Variants in WDTC1 observed in about 807,000 individuals in gnomAD.
WDTC1 encodes the protein WD and tetratricopeptide repeats 1, also known as WD and tetratricopeptide repeats protein 1.
WDTC1 carries 12 observed loss-of-function variants against 76.0 expected under a neutral mutation model. That is an observed-to-expected ratio of 0.16 (90% CI 0.10 to 0.26). The LOEUF is 0.26. WDTC1 is among the 10% of genes least tolerant of loss of function. The probability of loss-of-function intolerance (pLI) is 1.00; values close to 1 mark genes in which losing one functional copy is unlikely to be tolerated. For synonymous variants in WDTC1, 326 were observed against 350.8 expected (o/e 0.93, Z 0.79); for missense variants, 511 against 908.8 (o/e 0.56, Z 5.63).
Position 27,297,137 on chromosome 1 carries a change from G to T in WDTC1, c.1039G>T (p.Glu347Ter). Reference protein sequence around the residue: ...HLHSNGFRLPESRGHVSPQVE... With the variant: ...HLHSNGFRLP ...TCATAGCAATGGCTTCCGGCTGCCG[G>T]AGAGTAGGGGACATGTCAGGTGAGG... is the stretch of plus-strand genomic sequence containing the variant. The change falls in exon 11 of 16, where the codon GAG becomes TAG. Residue 347 changes from glutamate to a stop codon, truncating the protein, a stop_gained. Transcript: ENST00000319394. LOFTEE classifies it high-confidence loss of function. The T allele has an allele frequency of 6.2e-7, 1 of 1,609,984 alleles. No individual in the cohort carries two copies.
At chr1:27,256,620 T>G (rs897692318) in intron 1 of WDTC1, among the ~76,000 whole-genome samples, 2 of 152,246 alleles carry the variant, frequency 1.3e-5, no homozygotes, top group African/African-American at 4.8e-5. Context: ...CACTTTCCAC[T>G]ACTGGATATT....
chr1:27,235,650 C>T (rs970874341), intron 1 of WDTC1, among the ~76,000 whole-genome samples: 1 of 152,016 alleles, frequency 6.6e-6, no homozygotes, highest in Admixed American at 6.6e-5. Flanking sequence ...CGCAGTGGGA[C>T]GCCCCTTTGC....
intron 1 of WDTC1, among the ~76,000 whole-genome samples, chr1:27,235,887 G>C (rs1187664805): frequency 6.6e-6 from 1 of 152,130 alleles, no homozygotes; most frequent in African/African-American, 2.4e-5. Context: ...GAGCCTGGTA[G>C]GGTGGCTGAA....
In WDTC1 at chr1:27,303,372, T is replaced by C. The variant is rs1458689356; in HGVS notation, c.1469-249T>C. On this transcript the variant is annotated intron_variant, in intron 13 of 15. Coordinates refer to ENST00000319394, the MANE Select transcript of WDTC1 (RefSeq NM_001276252.2). The surrounding 1 kb of genome is among the most constrained non-coding windows in gnomAD (Gnocchi z 4.8). ...TTTGAGTCTCTGCATCTTTGGGGCTTTCAGGCCCTCATTTAGGGACCTGAA... is the reference window on the plus strand; with the variant it reads ...TTTGAGTCTCTGCATCTTTGGGGCTCTCAGGCCCTCATTTAGGGACCTGAA... 6.6e-6 allele frequency among the ~76,000 whole-genome samples: 1 copy of C among 152,182 alleles called. No homozygotes were observed. The highest frequency in any genetic ancestry group is 1.9e-4 in the East Asian group (1 of 5,204).
intron 1 of WDTC1, among the ~76,000 whole-genome samples, chr1:27,256,980 A>G (rs1385827297): frequency 1.3e-5 from 2 of 152,066 alleles, no homozygotes; most frequent in African/African-American, 4.8e-5. Flanking sequence ...CTCCTGCCTC[A>G]GCCTCCCGAG....
intron 13 of WDTC1, among the ~76,000 whole-genome samples, chr1:27,302,593 T>G (rs1342989871): frequency 6.6e-6 from 1 of 151,772 alleles, no homozygotes; most frequent in South Asian, 2.1e-4. Flanking sequence ...TAAAAAAAAT[T>G]AGCCAGGGGT....
At position 27,297,088 on chromosome 1, in the gene WDTC1, C is replaced by T. The variant is rs377001532; in HGVS notation, c.990C>T (p.Asn330=). The part of the protein sequence containing the change: ...NGKMSTNGVS[N]GVSNGLHLHS... The stretch of plus-strand genomic sequence containing the variant: ...AGATGTCCACCAACGGTGTGTCCAA[C>T]GGTGTGTCCAATGGCCTGCACCTTC... The change falls in exon 11 of 16, where the codon AAC becomes AAT. Residue 330 remains asparagine, a synonymous_variant. Coordinates refer to ENST00000319394, the MANE Select transcript of WDTC1 (RefSeq NM_001276252.2). The T allele has an allele frequency of 1.3e-5, 21 of 1,614,008 alleles. No homozygotes were observed. In the Middle Eastern group the frequency reaches 4.9e-4, roughly 38 times the overall value.
chr1:27,289,716 A>G (rs1479680832), intron 6 of WDTC1, among the ~76,000 whole-genome samples: 1 of 151,952 alleles, frequency 6.6e-6, no homozygotes, highest in Non-Finnish European at 1.5e-5. Context: ...AGTGAACGAG[A>G]CTCCGTCTGC....
chr1:27,253,299 G>A (rs2012145115), intron 1 of WDTC1, among the ~76,000 whole-genome samples: 1 of 151,022 alleles, frequency 6.6e-6, no homozygotes, highest in Non-Finnish European at 1.5e-5. Flanking sequence ...ACAGGTGTGA[G>A]CCACTGCGCC....
intron 3 of WDTC1, among the ~76,000 whole-genome samples, chr1:27,273,358 G>A (rs1347810506): frequency 1.3e-5 from 2 of 151,768 alleles, no homozygotes; most frequent in Non-Finnish European, 2.9e-5. Flanking sequence ...ACAGGCGCCC[G>A]CCACCACGCC....
chr1:27,246,573 T>A (rs535979332), intron 1 of WDTC1, among the ~76,000 whole-genome samples: 49 of 152,244 alleles, frequency 3.2e-4, no homozygotes, highest in Non-Finnish European at 5.3e-4. Context: ...CTTTCCTTTT[T>A]TTTTTTTAGA....
At chr1:27,289,434 G>A (rs1170861562) in intron 6 of WDTC1, among the ~76,000 whole-genome samples, 18 of 147,908 alleles carry the variant, frequency 1.2e-4, no homozygotes, top group Admixed American at 2.7e-4. Flanking sequence ...ATGGGCGGCC[G>A]GGCAGAGACG....
Position 27,237,745 on chromosome 1 carries a change from G to A in WDTC1, c.-100+2794G>A, listed in dbSNP as rs773362993. Among the ~76,000 whole-genome samples the A allele has an allele frequency of 3.0e-4, 46 of 151,976 alleles. 1 individual carries two copies. The highest frequency in any genetic ancestry group is 2.6e-4 in the Non-Finnish European group (18 of 67,940). On this transcript the variant is annotated intron_variant, in intron 1 of 15. Transcript: ENST00000319394. ...ACGCGCCTGTAGTCCCAGCTACTCAGGAGGGATTTTCCTACTAAGGCAGGA... is the reference window on the plus strand; with the variant it reads ...ACGCGCCTGTAGTCCCAGCTACTCAAGAGGGATTTTCCTACTAAGGCAGGA...
intron 1 of WDTC1, among the ~76,000 whole-genome samples, chr1:27,248,668 TA>T (rs944877155): frequency 3.3e-5 from 5 of 152,156 alleles, no homozygotes; most frequent in African/African-American, 1.2e-4. Context: ...TTTTTATTAT[TA>T]TTTTTTTTTA....
rs189502766 is a variant in WDTC1 at position 27,291,112 on chromosome 1, A to C, written c.480-1103A>C. On this transcript the variant is annotated intron_variant, in intron 6 of 15. Coordinates refer to ENST00000319394, the MANE Select transcript of WDTC1 (RefSeq NM_001276252.2). ...GAGAAGGTGTCCTAGCAGAAGGTGA[A>C]CATAAGCTGGGCCTTCCAGAACAGA... Among the ~76,000 whole-genome samples the C allele has an allele frequency of 1.1e-3, 160 of 152,378 alleles. 3 individuals carry two copies. Among genetic ancestry groups the C allele is most frequent in the Admixed American group, 8.2e-3 (126 of 15,302 alleles).
intron 4 of WDTC1, 114 bp downstream of exon 4, chr1:27,282,399 ACTG>A (rs2013213556): frequency 1.0e-6 from 1 of 992,116 alleles, no homozygotes; most frequent in African/African-American, 1.6e-5. Context: ...ATGAAAAGAG[ACTG>A]CTGCTGTCTG....
At chr1:27,273,568 G>C (rs1449333803) in intron 3 of WDTC1, among the ~76,000 whole-genome samples, 6 of 152,080 alleles carry the variant, frequency 3.9e-5, no homozygotes, top group African/African-American at 1.2e-4. Flanking sequence ...TGTGATCCTG[G>C]ATTGGATTCT....
intron 8 of WDTC1, 53 bp downstream of exon 8, chr1:27,294,169 T>C (rs1404046401): frequency 1.3e-6 from 2 of 1,578,022 alleles, no homozygotes; most frequent in Admixed American, 1.7e-5. Flanking sequence ...GCTGACTCTT[T>C]TGGGGGCAGT....
chr1:27,248,230 T>C (rs2011916782), intron 1 of WDTC1, among the ~76,000 whole-genome samples: 1 of 152,260 alleles, frequency 6.6e-6, no homozygotes, highest in Non-Finnish European at 1.5e-5. Flanking sequence ...ATCTTCACAC[T>C]GCTTTCCACA....
Sources: allele counts gnomAD v4.1 joint callset (sites outside exome capture counted in the v4.1 genomes callset), GRCh38; gene constraint gnomAD v4.1.1; non-coding constraint Gnocchi (gnomAD v3.1); transcripts MANE v1.5; gene names NCBI Gene and HGNC (gene_info 2026-07-23, HGNC 2026-07-21).